The following KANK1 variants were observed in gnomAD, a reference collection of about 807,000 sequenced individuals.
KANK1 encodes the protein KN motif and ankyrin repeat domains 1, also known as KN motif and ankyrin repeat domain-containing protein 1.
KANK1 carries 109 observed loss-of-function variants against 106.2 expected under a neutral mutation model. That is an observed-to-expected ratio of 1.03 (90% confidence interval 0.88 to 1.20). KANK1 has a LOEUF of 1.20. KANK1 is among the 50% of genes most tolerant of loss of function. The pLI is 0.00. For missense variants in KANK1, 2,399 were observed against 1,710.7 expected (o/e 1.40, Z -7.10); for synonymous variants, 873 against 652.2 (o/e 1.34, Z -5.16).
At chr9:735,309 C>T (rs1023341388) in intron 7 of KANK1, among the ~76,000 whole-genome samples, 5 of 152,134 alleles carry the variant, frequency 3.3e-5, no homozygotes, top group African/African-American at 1.2e-4. Flanking sequence ...CAGGCGGCCA[C>T]TATTTTTAAA....
intron 1 of KANK1, among the ~76,000 whole-genome samples, chr9:629,343 C>T (rs1333660830): frequency 6.6e-6 from 1 of 152,120 alleles, no homozygotes; most frequent in African/African-American, 2.4e-5. Flanking sequence ...ACGAGTCACT[C>T]TCTCTCTTCC....
chr9:514,845 A>G (rs1165596591), intron 1 of KANK1, among the ~76,000 whole-genome samples: 2 of 151,690 alleles, frequency 1.3e-5, no homozygotes, highest in Admixed American at 6.6e-5. Flanking sequence ...CAACTGGAGT[A>G]GGTACCGTCA....
At chr9:527,677 T>C (rs572205938) in intron 1 of KANK1, among the ~76,000 whole-genome samples, 1 of 151,358 alleles carries the variant, frequency 6.6e-6, no homozygotes, top group East Asian at 1.9e-4. Flanking sequence ...CCTTGAGATT[T>C]GGCATATCTA....
In KANK1 at chr9:745,301, C is replaced by G; in HGVS notation, c.*66C>G. On this transcript the variant is annotated 3_prime_UTR_variant, in exon 12 of 12. Transcript: ENST00000382297. ...CTGCTAATTGTTCCTGTTGGGGTGACAGATACTGAATGTATACGTATTGTG... is the reference window on the plus strand; with the variant it reads ...CTGCTAATTGTTCCTGTTGGGGTGAGAGATACTGAATGTATACGTATTGTG... 6.3e-7 allele frequency: 1 copy of G among 1,587,660 alleles called. No individual in the cohort carries two copies. The highest frequency in any genetic ancestry group is 8.6e-7 in the Non-Finnish European group (1 of 1,156,534).
chr9:507,001 G>T (rs1339973250), intron 1 of KANK1, among the ~76,000 whole-genome samples: 2 of 152,140 alleles, frequency 1.3e-5, no homozygotes, highest in Non-Finnish European at 2.9e-5. Flanking sequence ...TTTTTAGTAA[G>T]GAGAGTTGAA....
At chr9:735,142 C>G (rs545331570) in intron 7 of KANK1, among the ~76,000 whole-genome samples, 14 of 152,318 alleles carry the variant, frequency 9.2e-5, no homozygotes, top group African/African-American at 3.4e-4. Context: ...CATCTTTCTA[C>G]ATATTTCATT....
chr9:608,222 A>G (rs1829773795), intron 1 of KANK1, among the ~76,000 whole-genome samples: 2 of 150,244 alleles, frequency 1.3e-5, no homozygotes, highest in South Asian at 2.1e-4. Context: ...TATTTTTAGT[A>G]GAGACGGGGT....
chr9:637,391 A>C (rs12002249), intron 1 of KANK1, among the ~76,000 whole-genome samples: 8,091 of 152,236 alleles, frequency 0.053, 587 homozygotes, highest in East Asian at 0.22. Context: ...ATGGTTCAAC[A>C]TTCATTTCAT....
At chr9:520,384 A>AG (rs1258469301) in intron 1 of KANK1, among the ~76,000 whole-genome samples, 1 of 151,520 alleles carries the variant, frequency 6.6e-6, no homozygotes, top group Admixed American at 6.6e-5. Flanking sequence ...GTTCATTCAT[A>AG]GTTATTAACA....
chr9:515,414 A>G (rs2059238778), intron 1 of KANK1, among the ~76,000 whole-genome samples: 1 of 146,834 alleles, frequency 6.8e-6, no homozygotes, highest in African/African-American at 2.7e-5. Context: ...TTCTTTAACC[A>G]CTCTAGCTTT....
chr9:685,589 G>A (rs1197555883), intron 2 of KANK1: 1 of 152,188 alleles, frequency 6.6e-6, no homozygotes, highest in Non-Finnish European at 1.5e-5. Context: ...AGAGGTTGTG[G>A]AATTGGAATT....
chr9:676,738 C>A (rs1421309282), intron 1 of KANK1, among the ~76,000 whole-genome samples, 152 bp from the exon 2 acceptor site: 2 of 152,162 alleles, frequency 1.3e-5, no homozygotes, highest in African/African-American at 4.8e-5. Flanking sequence ...ACTGCCAGGT[C>A]CAATGCAGTC....
At chr9:684,563 A>C (rs550541734) in intron 2 of KANK1, 10 of 985,322 alleles carry the variant, frequency 1.0e-5, no homozygotes, top group African/African-American at 1.7e-5. Flanking sequence ...CTTCCTCAGC[A>C]GACTTCTCGT....
intron 3 of KANK1, among the ~76,000 whole-genome samples, chr9:720,786 C>G (rs557164880): frequency 3.3e-4 from 51 of 152,326 alleles, no homozygotes; most frequent in African/African-American, 1.2e-4. Flanking sequence ...GTGTGAGCCA[C>G]TCCCAGCCTG....
chr9:503,099 A>G (rs2058594828), upstream of KANK1, among the ~76,000 whole-genome samples: 2 of 146,816 alleles, frequency 1.4e-5, no homozygotes, highest in South Asian at 4.3e-4. Flanking sequence ...TCGGCCTCCC[A>G]AAGTGTGAGG....
intron 1 of KANK1, among the ~76,000 whole-genome samples, chr9:523,440 C>G (rs563374431): frequency 3.3e-5 from 5 of 151,796 alleles, no homozygotes; most frequent in Non-Finnish European, 5.9e-5. Flanking sequence ...TACCTGGACT[C>G]TCTGCTTCCC....
intron 1 of KANK1, among the ~76,000 whole-genome samples, chr9:574,252 C>T (rs903006179): frequency 2.0e-5 from 3 of 152,218 alleles, no homozygotes. Context: ...GTTGAGTGGG[C>T]AGGGCCCCAG....
chr9:594,402 G>T (rs1037810058), intron 1 of KANK1, among the ~76,000 whole-genome samples: 2 of 151,790 alleles, frequency 1.3e-5, no homozygotes, highest in African/African-American at 2.4e-5. Context: ...TCATTTTCTG[G>T]TGAGAATTAG....
intron 1 of KANK1, among the ~76,000 whole-genome samples, chr9:538,394 T>C (rs553005162): frequency 1.6e-4 from 25 of 152,314 alleles, no homozygotes; most frequent in African/African-American, 4.8e-4. Flanking sequence ...AGAATTGTTA[T>C]CAGTTCTCCA....
Sources: gnomAD v4.1 joint callset for allele counts (sites outside exome capture counted in the v4.1 genomes callset) on GRCh38, gnomAD v4.1.1 for gene constraint, MANE v1.5 for transcripts, NCBI Gene and HGNC (gene_info 2026-07-23, HGNC 2026-07-21) for gene names.